Variants in SEMA3F observed in about 807,000 individuals in gnomAD.
SEMA3F encodes semaphorin-3F.
A neutral mutation model predicts 98.5 loss-of-function variants in SEMA3F; 30 were observed. The observed-to-expected ratio is 0.30, with a 90% CI of 0.23 to 0.41. The LOEUF (loss-of-function observed/expected upper bound fraction) is 0.41, where lower values mean the gene tolerates loss of function less well. Among genes scored for constraint, SEMA3F ranks in the 10% least tolerant of loss-of-function variants. SEMA3F has a pLI of 1.00. For synonymous variants in SEMA3F, 380 were observed against 444.8 expected, an observed-to-expected ratio of 0.85 and a Z score of 1.83; for missense variants, 866 against 1,119.3, an observed-to-expected ratio of 0.77 and a Z score of 3.23.
intron 2 of SEMA3F, among the ~76,000 whole-genome samples, chr3:50,171,688 C>A (rs927253825): frequency 2.0e-5 from 3 of 152,168 alleles, no homozygotes; most frequent in Admixed American, 6.5e-5. Context: ...TGTTTACTTT[C>A]CTGTTGTCAC....
chr3:50,174,794 C>G (rs370276306), intron 5 of SEMA3F, among the ~76,000 whole-genome samples: 3 of 152,196 alleles, frequency 2.0e-5, no homozygotes, highest in African/African-American at 7.2e-5. Context: ...GGGGAGCTGC[C>G]CCTTCCCCAG....
At chr3:50,172,958 C>T (rs1372445724) in intron 2 of SEMA3F, among the ~76,000 whole-genome samples, 1 of 152,224 alleles carries the variant, frequency 6.6e-6, no homozygotes, top group Non-Finnish European at 1.5e-5. Context: ...CATTAACCCC[C>T]ACCTGAGCAA....
intron 7 of SEMA3F, among the ~76,000 whole-genome samples, chr3:50,180,196 C>T (rs1698966684): frequency 6.6e-6 from 1 of 151,978 alleles, no homozygotes; most frequent in Admixed American, 6.6e-5. Flanking sequence ...GTCCCCCAGG[C>T]TAGAGTGAAG....
chr3:50,186,178 A>G, intron 16 of SEMA3F, 103 bp from the exon 17 acceptor site: 1 of 1,471,252 alleles, frequency 6.8e-7, no homozygotes, highest in Non-Finnish European at 9.3e-7. Context: ...GTAAGACATC[A>G]CTGCCCTGGG....
chr3:50,188,237 G>T lies in SEMA3F; in HGVS notation c.*122G>T. ...TCTATACACACCCTGCCCCTGCAAA[G>T]ACAGTATTTATTGGTGGGTTGAATA... On this transcript the variant is annotated 3_prime_UTR_variant, in exon 19 of 19. Coordinates refer to ENST00000002829, the MANE Select transcript of SEMA3F (RefSeq NM_004186.5). The surrounding 1 kb of genome is among the most constrained non-coding windows in gnomAD (Gnocchi z 4.5). The T allele has an allele frequency of 2.8e-6, 1 of 353,922 alleles. No homozygotes were observed. The highest frequency in any genetic ancestry group is 6.7e-5 in the East Asian group (1 of 14,830). 21.9% of individuals were successfully genotyped at this position (353,922 alleles called of 1,614,324 possible). A position where few individuals can be genotyped will look rare whatever the true frequency, so the allele number is the denominator to read the frequency against.
chr3:50,163,656 C>T (rs1057129578), intron 2 of SEMA3F, among the ~76,000 whole-genome samples: 1 of 152,180 alleles, frequency 6.6e-6, no homozygotes, highest in Non-Finnish European at 1.5e-5. Flanking sequence ...GGCTGGAGAG[C>T]TAGAGGACAT....
intron 7 of SEMA3F, among the ~76,000 whole-genome samples, chr3:50,180,432 A>G (rs1698974987): frequency 6.6e-6 from 1 of 152,214 alleles, no homozygotes; most frequent in South Asian, 2.1e-4. Flanking sequence ...CTAGGATTAC[A>G]GGCATGAGCC....
At chr3:50,184,157 GGCAGGC>G (rs1553694299) in intron 12 of SEMA3F, 1 of 238,234 alleles carries the variant, frequency 4.2e-6, no homozygotes, top group Non-Finnish European at 8.3e-6. Context: ...CATGACGGGG[GGCAGGC>G]TGAGCCCAGG....
intron 7 of SEMA3F, among the ~76,000 whole-genome samples, chr3:50,177,936 A>G (rs1195672043): frequency 4.6e-5 from 7 of 152,164 alleles, no homozygotes; most frequent in African/African-American, 1.7e-4. Context: ...TAACAACAAT[A>G]AAAAGTAACA....
chr3:50,188,968 G>A lies in SEMA3F; in HGVS notation c.*853G>A, dbSNP rs1699342232. On this transcript the variant is annotated 3_prime_UTR_variant, in exon 19 of 19. Transcript: ENST00000002829. The surrounding 1 kb of genome is among the most constrained non-coding windows in gnomAD (Gnocchi z 4.5). ...GATGGGTGTGGATGTAATTAGCTCT[G>A]GGGGGCAGTTGGGTAGATGGGTGGG... 1 of 152,240 alleles carries A rather than the reference G, an allele frequency of 6.6e-6. No homozygotes were observed. Among genetic ancestry groups the A allele is most frequent in the African/African-American group, 2.4e-5 (1 of 41,434 alleles). The allele number at this position is 152,240 out of a possible 1,614,324, so 9.4% of individuals were successfully genotyped here.
chr3:50,170,859 C>G (rs1263876914), intron 2 of SEMA3F, among the ~76,000 whole-genome samples: 1 of 152,064 alleles, frequency 6.6e-6, no homozygotes, highest in Non-Finnish European at 1.5e-5. Context: ...GAGCCATTGA[C>G]GCCATATCCC....
intron 2 of SEMA3F, among the ~76,000 whole-genome samples, chr3:50,160,322 T>C (rs1449951834): frequency 6.6e-6 from 1 of 152,190 alleles, no homozygotes; most frequent in East Asian, 1.9e-4. Context: ...GAGCACGTGC[T>C]GCTGTGAGGG....
intron 6 of SEMA3F, among the ~76,000 whole-genome samples, chr3:50,175,448 T>A (rs1180056837): frequency 6.6e-6 from 1 of 152,234 alleles, no homozygotes; most frequent in Admixed American, 6.5e-5. Context: ...GGGACAGCCA[T>A]GCCTTAGCCC....
At chr3:50,157,316 C>T (rs554444241) in intron 1 of SEMA3F, among the ~76,000 whole-genome samples, 2 of 152,150 alleles carry the variant, frequency 1.3e-5, no homozygotes, top group East Asian at 1.9e-4. Flanking sequence ...TTTGTTCAAG[C>T]GTCTCTCCTC....
At position 50,176,769 on chromosome 3, in the gene SEMA3F, A is replaced by G; in HGVS notation, c.551A>G (p.Asp184Gly). The change falls in exon 7 of 19, where the codon GAT (aspartate) becomes GGT (glycine). Residue 184 changes from aspartate to glycine, a missense_variant and splice_region_variant. Asp to Gly is a moderately conservative substitution (Grantham distance 94). Coordinates refer to ENST00000002829, the MANE Select transcript of SEMA3F (RefSeq NM_004186.5). ...GCTGAGCCCCGCTCTGCCTTACAGG[A>G]TTACATCTTCTACCTGGAGCCTGAG... The part of the protein sequence containing the change: ...LRPMPTAPRQ[D>G]YIFYLEPERL... 1 of 1,610,860 alleles carries G rather than the reference A, an allele frequency of 6.2e-7. No individual in the cohort carries two copies.
Position 50,184,750 on chromosome 3 carries a change from C to G in SEMA3F, c.1392C>G (p.Thr464=). ...GCACAGGTGCTCCCTACCGCCTTAC[C>G]ACTATTGCCGTGGACCAGGTGGATG... The part of the protein sequence containing the change: ...VVRTGAPYRL[T]TIAVDQVDAA... Residue 464 remains threonine, a synonymous_variant, in exon 13 of 19, where the codon ACC becomes ACG. Transcript: ENST00000002829. The G allele has an allele frequency of 1.2e-6, 2 of 1,614,110 alleles. No individual in the cohort carries two copies. The highest frequency in any genetic ancestry group is 1.7e-6 in the Non-Finnish European group (2 of 1,179,982).
intron 1 of SEMA3F, among the ~76,000 whole-genome samples, chr3:50,157,673 C>G (rs1454889669): frequency 1.3e-5 from 2 of 152,176 alleles, no homozygotes; most frequent in Non-Finnish European, 2.9e-5. Context: ...GACTGAGGCC[C>G]CAGCAAACTT....
At chr3:50,160,981 C>A (rs1250341655) in intron 2 of SEMA3F, among the ~76,000 whole-genome samples, 1 of 152,188 alleles carries the variant, frequency 6.6e-6, no homozygotes, top group Non-Finnish European at 1.5e-5. Flanking sequence ...GAAAGCACCC[C>A]CCTTCCCCGG....
Position 50,185,957 on chromosome 3 carries a change from G to A in SEMA3F, c.1656G>A (p.Gly552=), listed in dbSNP as rs373877527. Residue 552 remains glycine, a synonymous_variant, in exon 16 of 19, where the codon GGG becomes GGA. Coordinates refer to ENST00000002829, the MANE Select transcript of SEMA3F (RefSeq NM_004186.5). The part of the protein sequence containing the change: ...HLSLHRCQAY[G]AACADCCLAR... ...GCCTGCACCGCTGCCAGGCGTATGGGGCTGCCTGTGCTGACTGCTGCCTTG... is the reference window on the plus strand; with the variant it reads ...GCCTGCACCGCTGCCAGGCGTATGGAGCTGCCTGTGCTGACTGCTGCCTTG... 1.2e-5 allele frequency: 19 copies of A among 1,614,084 alleles called. No individual in the cohort carries two copies. The South Asian group carries it at 1.3e-4, about 11-fold the overall frequency.
Sources: gnomAD v4.1 joint callset for allele counts (sites outside exome capture counted in the v4.1 genomes callset) on GRCh38, gnomAD v4.1.1 for gene constraint, Gnocchi (gnomAD v3.1) non-coding constraint, MANE v1.5 for transcripts, NCBI Gene and HGNC (gene_info 2026-07-23, HGNC 2026-07-21) for gene names.